MICOS10: variants seen among roughly 807,000 people sequenced by gnomAD.
MICOS10 encodes the protein mitochondrial contact site and cristae organizing system subunit 10, also known as MICOS complex subunit MIC10.
Under a neutral mutation model 13.4 loss-of-function variants are expected in MICOS10, and 5 were observed. The ratio of observed to expected loss-of-function variants is 0.37; its 90% CI spans 0.20 to 0.78. The LOEUF (loss-of-function observed/expected upper bound fraction) is 0.78, where lower values mean the gene tolerates loss of function less well. Ranked by LOEUF, MICOS10 falls within the 30% of genes least tolerant of loss-of-function variation. MICOS10 has a pLI of 0.47. For missense variants in MICOS10, 101 were observed against 94.6 expected, an observed-to-expected ratio of 1.07 and a Z score of -0.28; for synonymous variants, 35 against 33.6, an observed-to-expected ratio of 1.04 and a Z score of -0.15.
intron 2 of MICOS10, among the ~76,000 whole-genome samples, chr1:19,623,240 A>C (rs908352734): frequency 2.0e-5 from 3 of 152,078 alleles, no homozygotes; most frequent in Non-Finnish European, 4.4e-5. Context: ...TATTTTCCTC[A>C]AACTTATCAG....
rs918951469 is a variant in MICOS10, at chr1:19,626,241, A to C, written c.223-146A>C. The C allele has an allele frequency of 4.6e-6, 4 of 866,820 alleles. No homozygotes were observed. The African/African-American group carries it at 5.0e-5, about 11-fold the overall frequency. 53.7% of individuals were successfully genotyped at this position (866,820 alleles called of 1,614,324 possible). The stretch of plus-strand genomic sequence containing the variant: ...TCTTAGGAACCTAGGTAGGGTGTAC[A>C]TAGTCCTGTTGTGAGACAGTTTTAA... On this transcript the variant is annotated intron_variant, in intron 3 of 3. Coordinates refer to ENST00000322753, the MANE Select transcript of MICOS10 (RefSeq NM_001032363.4).
Position 19,609,037 on chromosome 1 carries a change from ACT to A in MICOS10, c.64+11931_64+11932del, listed in dbSNP as rs1354767251. 5.3e-5 allele frequency among the ~76,000 whole-genome samples: 6 copies of A among 113,810 alleles called. No homozygotes were observed. The Admixed American group carries it at 8.1e-4, about 15-fold the overall frequency. 74.7% of individuals were successfully genotyped at this position (113,810 alleles called of 152,430 possible). On this transcript the variant is annotated intron_variant, in intron 1 of 3. Coordinates refer to ENST00000322753, the MANE Select transcript of MICOS10 (RefSeq NM_001032363.4). Reference sequence around the variant, plus strand: ...TTTTTTTTTTTTGAGATGGGATCTCACTCTGTCGCTCTGGCTGGAGTGCAGTG... The same window carrying A: ...TTTTTTTTTTTTGAGATGGGATCTCACTGTCGCTCTGGCTGGAGTGCAGTG...
At chr1:19,597,229 C>T (rs1190321486) in intron 1 of MICOS10, 120 bp downstream of exon 1, 3 of 1,119,920 alleles carry the variant, frequency 2.7e-6, no homozygotes, top group African/African-American at 3.3e-5. Context: ...CCTTTTCCGG[C>T]CCCTCCGGCC....
At chr1:19,604,873 G>T (rs58683664) in intron 1 of MICOS10, among the ~76,000 whole-genome samples, 33,371 of 152,030 alleles carry the variant, frequency 0.22, 4,395 homozygotes, top group East Asian at 0.52. Flanking sequence ...TGGACCAGGT[G>T]GGGGAGTGTG....
intron 1 of MICOS10, among the ~76,000 whole-genome samples, chr1:19,612,906 CT>C (rs2094869349): frequency 6.6e-6 from 1 of 152,176 alleles, no homozygotes; most frequent in Non-Finnish European, 1.5e-5. Context: ...ATTTGACTGC[CT>C]TTTCTGTTTA....
chr1:19,603,263 G>T (rs1165667177), intron 1 of MICOS10, among the ~76,000 whole-genome samples: 1 of 152,190 alleles, frequency 6.6e-6, no homozygotes, highest in Non-Finnish European at 1.5e-5. Flanking sequence ...CCGGGAGGTA[G>T]AGGTTGCAGT....
At chr1:19,607,888 A>G (rs1274867496) in intron 1 of MICOS10, among the ~76,000 whole-genome samples, 1 of 152,208 alleles carries the variant, frequency 6.6e-6, no homozygotes, top group Non-Finnish European at 1.5e-5. Context: ...GTAGAGTAGG[A>G]TAAAGTCCAG....
At chr1:19,604,288 C>G (rs2100252573) in intron 1 of MICOS10, among the ~76,000 whole-genome samples, 1 of 152,252 alleles carries the variant, frequency 6.6e-6, no homozygotes, top group East Asian at 1.9e-4. Context: ...GGGTGGATCG[C>G]TTGAGGCCAG....
At chr1:19,601,328 C>G (rs918099064) in intron 1 of MICOS10, 5 of 246,714 alleles carry the variant, frequency 2.0e-5, no homozygotes, top group Non-Finnish European at 3.3e-5. Flanking sequence ...CCTATAATCC[C>G]AGCACTTTGG....
Position 19,626,484 on chromosome 1 carries a change from G to A in MICOS10, c.*83G>A. The A allele has an allele frequency of 6.8e-7, 1 of 1,462,694 alleles. No homozygotes were observed. The highest frequency in any genetic ancestry group is 9.5e-7 in the Non-Finnish European group (1 of 1,047,208). The allele number at this position is 1,462,694 out of a possible 1,614,324, so 90.6% of individuals were successfully genotyped here. On this transcript the variant is annotated 3_prime_UTR_variant, in exon 4 of 4. Coordinates refer to ENST00000322753, the MANE Select transcript of MICOS10 (RefSeq NM_001032363.4). ...ATACTGAAGTGCCCTGGAGTAAGCT[G>A]CCATTCTTCTGTAACAATGTTATCA...
At chr1:19,611,468 G>GTTTTT (rs765477232) in intron 1 of MICOS10, among the ~76,000 whole-genome samples, 6 of 84,056 alleles carry the variant, frequency 7.1e-5, no homozygotes, top group African/African-American at 4.5e-4. Context: ...GTTGCAACTT[G>GTTTTT]ATTTTTTTTT....
intron 1 of MICOS10, among the ~76,000 whole-genome samples, chr1:19,601,604 G>GA (rs1175554673): frequency 1.1e-4 from 17 of 150,878 alleles, no homozygotes; most frequent in Non-Finnish European, 1.9e-4. Context: ...AAAGAAAAAG[G>GA]AAAAAAAAGA....
At position 19,626,301 on chromosome 1, in the gene MICOS10, C is replaced by T. The variant is rs950262094; in HGVS notation, c.223-86C>T. On this transcript the variant is annotated intron_variant, in intron 3 of 3. Transcript: ENST00000322753. ...TGTGATAAGGTTTTGGCTTCTGGCCCTTTGGGTCTGACCTGATACAGCAAT... is the reference window on the plus strand; with the variant it reads ...TGTGATAAGGTTTTGGCTTCTGGCCTTTTGGGTCTGACCTGATACAGCAAT... The T allele has an allele frequency of 1.7e-5, 26 of 1,565,146 alleles. No homozygotes were observed. The East Asian group carries it at 4.5e-4, about 27-fold the overall frequency.
chr1:19,619,904 C>A (rs138924642), intron 1 of MICOS10, among the ~76,000 whole-genome samples: 1 of 152,216 alleles, frequency 6.6e-6, no homozygotes, highest in Non-Finnish European at 1.5e-5. Flanking sequence ...ACCACACACC[C>A]GCAACTGGCC....
At chr1:19,613,791 T>C (rs757510939) in intron 1 of MICOS10, among the ~76,000 whole-genome samples, 3 of 152,176 alleles carry the variant, frequency 2.0e-5, no homozygotes, top group Non-Finnish European at 4.4e-5. Context: ...TTCCTACGTC[T>C]GTGAGGAGGC....
chr1:19,622,988 C>T (rs2094909405), intron 2 of MICOS10, among the ~76,000 whole-genome samples: 1 of 142,466 alleles, frequency 7.0e-6, no homozygotes, highest in African/African-American at 2.7e-5. Flanking sequence ...GTGGTGCGAT[C>T]TCAGCTCACT....
At chr1:19,625,366 C>T in intron 3 of MICOS10, 1 of 1,286,722 alleles carries the variant, frequency 7.8e-7, no homozygotes, top group South Asian at 1.2e-5. Flanking sequence ...CAGTATCCTG[C>T]CACGGCCCTG....
At chr1:19,614,828 A>G (rs1318573845) in intron 1 of MICOS10, among the ~76,000 whole-genome samples, 1 of 152,170 alleles carries the variant, frequency 6.6e-6, no homozygotes, top group African/African-American at 2.4e-5. Context: ...AGAATGGCCC[A>G]AGATTCCTTT....
At chr1:19,611,391 A>G (rs533542362) in intron 1 of MICOS10, among the ~76,000 whole-genome samples, 2 of 152,092 alleles carry the variant, frequency 1.3e-5, no homozygotes, top group Non-Finnish European at 2.9e-5. Context: ...TGACACTAAA[A>G]TAAATGCTAC....
Sources: allele counts gnomAD v4.1 joint callset (sites outside exome capture counted in the v4.1 genomes callset), GRCh38; gene constraint gnomAD v4.1.1; transcripts MANE v1.5; gene names NCBI Gene and HGNC (gene_info 2026-07-23, HGNC 2026-07-21).